KAZN: variants seen among roughly 807,000 people sequenced by gnomAD.
The protein encoded by KAZN is kazrin, periplakin interacting protein, also known as kazrin.
In KAZN, 40 loss-of-function variants were observed where a neutral mutation model predicts 87.4. The ratio of observed to expected loss-of-function variants is 0.46; its 90% CI spans 0.36 to 0.60. KAZN has a LOEUF of 0.60. Among genes scored for constraint, KAZN ranks in the 20% least tolerant of loss-of-function variants. The probability of loss-of-function intolerance (pLI) is 0.00; values close to 1 mark genes in which losing one functional copy is unlikely to be tolerated. For synonymous variants in KAZN, 466 were observed against 458.3 expected, an observed-to-expected ratio of 1.02 and a Z score of -0.22; for missense variants, 898 against 1,073.9, an observed-to-expected ratio of 0.84 and a Z score of 2.29.
At chr1:14,249,696 T>A (rs1649834890) in intron 2 of KAZN, among the ~76,000 whole-genome samples, 2 of 152,190 alleles carry the variant, frequency 1.3e-5, no homozygotes, top group African/African-American at 4.8e-5. Context: ...CTCACTTCCA[T>A]ATGTATGAAT....
At chr1:14,479,666 C>T (rs1668960633) in intron 2 of KAZN, among the ~76,000 whole-genome samples, 1 of 152,154 alleles carries the variant, frequency 6.6e-6, no homozygotes, top group South Asian at 2.1e-4. Context: ...TATCATCGCT[C>T]CTATTGTACT....
At chr1:14,680,244 C>A (rs1469627696) in intron 1 of KAZN, among the ~76,000 whole-genome samples, 1 of 152,114 alleles carries the variant, frequency 6.6e-6, no homozygotes, top group Non-Finnish European at 1.5e-5. Context: ...GTAATTCACA[C>A]CCCTACCAAG....
At chr1:14,188,589 A>G (rs981546982) in intron 2 of KAZN, among the ~76,000 whole-genome samples, 1 of 152,094 alleles carries the variant, frequency 6.6e-6, no homozygotes, top group Non-Finnish European at 1.5e-5. Context: ...AGGGGAAATG[A>G]GGAAAGTGTA....
At chr1:15,009,031 T>C (rs932000396) in intron 2 of KAZN, among the ~76,000 whole-genome samples, 3 of 152,214 alleles carry the variant, frequency 2.0e-5, no homozygotes, top group African/African-American at 7.2e-5. Flanking sequence ...TGTGCTGAGT[T>C]GGCAGTTTTG....
chr1:14,114,619 C>A (rs1644573350), intron 1 of KAZN, among the ~76,000 whole-genome samples: 1 of 152,094 alleles, frequency 6.6e-6, no homozygotes, highest in South Asian at 2.1e-4. Context: ...TTCCCCCATT[C>A]ACCATTAACA....
At chr1:14,136,738 AGTTT>A (rs1645116895) in intron 1 of KAZN, among the ~76,000 whole-genome samples, 1 of 152,120 alleles carries the variant, frequency 6.6e-6, no homozygotes. Flanking sequence ...TGATGAGGTT[AGTTT>A]GTTTGTAAAC....
Position 15,114,456 on chromosome 1 carries a change from T to TTC in KAZN, c.2164-13_2164-12dup. 1 of 1,599,006 alleles carries TTC rather than the reference T, an allele frequency of 6.3e-7. No individual in the cohort carries two copies. Among genetic ancestry groups the TTC allele is most frequent in the Non-Finnish European group, 8.5e-7 (1 of 1,170,862 alleles). Reference sequence around the variant, plus strand: ...CTCTTCTTCCTGTCCTTTGATCATATTCTTCTCTTCTCAGCTGCCCCTGGG... The same window carrying TTC: ...CTCTTCTTCCTGTCCTTTGATCATATTCTCTTCTCTTCTCAGCTGCCCCTGGG... On this transcript the variant is annotated splice_polypyrimidine_tract_variant and intron_variant, in intron 14 of 14. Transcript: ENST00000376030.
rs541865783 is a variant in KAZN at position 14,147,773 on chromosome 1, C to T, written c.92-32662C>T. ...ATCGCGCCACTGCACTCCAGCCTGGCGACAGAGCAAGACTCCATCTCAAAA... is the reference window on the plus strand; with the variant it reads ...ATCGCGCCACTGCACTCCAGCCTGGTGACAGAGCAAGACTCCATCTCAAAA... On this transcript the variant is annotated intron_variant, in intron 1 of 16. Coordinates refer to the KAZN transcript ENST00000636203. Among the ~76,000 whole-genome samples, 551 of 145,012 alleles carry T rather than the reference C, an allele frequency of 3.8e-3. 3 individuals carry two copies. The highest frequency in any genetic ancestry group is 0.013 in the African/African-American group (517 of 38,824).
chr1:14,291,773 C>T (rs1653712156), intron 2 of KAZN, among the ~76,000 whole-genome samples: 2 of 152,214 alleles, frequency 1.3e-5, no homozygotes, highest in Admixed American at 1.3e-4. Flanking sequence ...GCATAAATCA[C>T]ACTGGGAGCA....
At chr1:14,441,363 A>AGCAGCG (rs575713289) in intron 2 of KAZN, among the ~76,000 whole-genome samples, 108 of 152,136 alleles carry the variant, frequency 7.1e-4, no homozygotes, top group African/African-American at 1.8e-3. Flanking sequence ...TGTTCCGGGC[A>AGCAGCG]GCAGCGGCAG....
At chr1:14,569,354 G>T (rs1363782021) in intron 2 of KAZN, among the ~76,000 whole-genome samples, 1 of 112,124 alleles carries the variant, frequency 8.9e-6, no homozygotes, top group African/African-American at 3.8e-5. Flanking sequence ...ACGGAGTCTC[G>T]CTCTGTCACC....
intron 2 of KAZN, among the ~76,000 whole-genome samples, chr1:14,410,866 G>T (rs945112287): frequency 1.8e-4 from 28 of 152,164 alleles, no homozygotes; most frequent in Non-Finnish European, 2.1e-4. Flanking sequence ...CCTCCGGAGG[G>T]AGCACATGGC....
intron 1 of KAZN, among the ~76,000 whole-genome samples, chr1:14,722,752 C>T (rs183493813): frequency 4.5e-4 from 69 of 152,266 alleles, no homozygotes; most frequent in African/African-American, 1.6e-3. Flanking sequence ...CTTGGCCAGT[C>T]TTGCCCTATC....
chr1:14,405,612 G>C (rs867641521), intron 2 of KAZN, among the ~76,000 whole-genome samples: 37 of 145,780 alleles, frequency 2.5e-4, no homozygotes, highest in African/African-American at 9.9e-4. Context: ...TAAAATGTGT[G>C]TGTGTGTGTG....
intron 2 of KAZN, among the ~76,000 whole-genome samples, chr1:14,579,655 T>C (rs1396766735): frequency 6.7e-6 from 1 of 148,208 alleles, no homozygotes; most frequent in Non-Finnish European, 1.5e-5. Context: ...AAAAAAGAAA[T>C]GCTACAGTAA....
At chr1:14,283,661 C>G (rs1290704028) in intron 2 of KAZN, among the ~76,000 whole-genome samples, 1 of 152,164 alleles carries the variant, frequency 6.6e-6, no homozygotes, top group Non-Finnish European at 1.5e-5. Flanking sequence ...GGTGCGACCC[C>G]TTTGGGAACA....
At chr1:14,265,286 T>C (rs1413740396) in intron 2 of KAZN, among the ~76,000 whole-genome samples, 1 of 152,322 alleles carries the variant, frequency 6.6e-6, no homozygotes, top group African/African-American at 2.4e-5. Context: ...GAGATGCTCA[T>C]ACTTTGGAGC....
intron 2 of KAZN, among the ~76,000 whole-genome samples, chr1:14,391,189 G>A (rs941424139): frequency 2.0e-5 from 3 of 152,170 alleles, no homozygotes; most frequent in African/African-American, 7.2e-5. Context: ...AAGTGGTGAG[G>A]AGCAGCTGTG....
chr1:14,303,129 A>G (rs962924773), intron 2 of KAZN, among the ~76,000 whole-genome samples: 1 of 152,206 alleles, frequency 6.6e-6, no homozygotes, highest in African/African-American at 2.4e-5. Flanking sequence ...TTAAACAAAG[A>G]AGCCAAGAGG....
Sources: allele counts gnomAD v4.1 joint callset (sites outside exome capture counted in the v4.1 genomes callset), GRCh38; gene constraint gnomAD v4.1.1; transcripts MANE v1.5; gene names NCBI Gene and HGNC (gene_info 2026-07-23, HGNC 2026-07-21).